CLTA: variants seen among roughly 807,000 people sequenced by gnomAD.
CLTA encodes clathrin, light polypeptide (Lca).
Under a neutral mutation model 26.9 loss-of-function variants are expected in CLTA, and 9 were observed. The ratio of observed to expected loss-of-function variants is 0.33; its 90% CI spans 0.20 to 0.58. The LOEUF (loss-of-function observed/expected upper bound fraction) is 0.58. Ranked by LOEUF, CLTA falls within the 20% of genes least tolerant of loss-of-function variation. The probability of loss-of-function intolerance (pLI) is 0.85; values close to 1 mark genes in which losing one functional copy is unlikely to be tolerated. For missense variants in CLTA, 278 were observed against 294.2 expected (o/e 0.94, Z 0.40); for synonymous variants, 120 against 115.5 (o/e 1.04, Z -0.25).
intron 3 of CLTA, among the ~76,000 whole-genome samples, chr9:36,202,329 G>A (rs1294751142): frequency 6.6e-6 from 1 of 152,002 alleles, no homozygotes; most frequent in East Asian, 1.9e-4. Context: ...GACCTTTCTT[G>A]CAAAGGCCCT....
chr9:36,195,195 A>C (rs1826950351), intron 1 of CLTA, among the ~76,000 whole-genome samples: 1 of 152,236 alleles, frequency 6.6e-6, no homozygotes, highest in Admixed American at 6.5e-5. Context: ...TAAAAAGTAA[A>C]AGAAGAAAAG....
intron 4 of CLTA, among the ~76,000 whole-genome samples, chr9:36,209,825 C>T (rs907849196): frequency 2.0e-5 from 3 of 152,164 alleles, no homozygotes; most frequent in Non-Finnish European, 2.9e-5. Context: ...AATGTGGGGT[C>T]GTTTGCCTCT....
At chr9:36,194,131 T>G (rs1381298091) in intron 1 of CLTA, among the ~76,000 whole-genome samples, 1 of 152,202 alleles carries the variant, frequency 6.6e-6, no homozygotes, top group Non-Finnish European at 1.5e-5. Context: ...GTTCAAGCAG[T>G]TATCCTGCCT....
chr9:36,198,687 C>T (rs543723328), intron 2 of CLTA, among the ~76,000 whole-genome samples: 3 of 148,152 alleles, frequency 2.0e-5, no homozygotes, highest in South Asian at 4.4e-4. Context: ...TCCCGTCCCC[C>T]CTTCCCCCAC....
At chr9:36,207,009 A>G (rs1486878520) in intron 4 of CLTA, among the ~76,000 whole-genome samples, 1 of 152,208 alleles carries the variant, frequency 6.6e-6, no homozygotes, top group African/African-American at 2.4e-5. Flanking sequence ...AGGCAGAAAG[A>G]TGAGAAGTTT....
chr9:36,203,869 A>C (rs1379839369), intron 3 of CLTA, 199 bp from the exon 4 acceptor site: 1 of 228,438 alleles, frequency 4.4e-6, no homozygotes, highest in African/African-American at 2.3e-5. Context: ...CCAGGCAGGA[A>C]TAGAAGCACT....
intron 1 of CLTA, among the ~76,000 whole-genome samples, chr9:36,195,781 A>C (rs1826987950): frequency 6.6e-6 from 1 of 152,220 alleles, no homozygotes. Context: ...AGCCTGACCA[A>C]CATAGTGAAA....
intron 4 of CLTA, among the ~76,000 whole-genome samples, chr9:36,207,988 T>C (rs1827816689): frequency 1.3e-5 from 2 of 152,204 alleles, no homozygotes; most frequent in Admixed American, 6.5e-5. Flanking sequence ...TTTGCTTTCT[T>C]TAAATTTCCA....
intron 4 of CLTA, chr9:36,209,081 C>T: frequency 1.0e-5 from 2 of 193,692 alleles, no homozygotes; most frequent in Non-Finnish European, 1.9e-5. Context: ...GTGGGAAGGC[C>T]AGCGGGAAAC....
At chr9:36,196,019 T>TA (rs896061222) in intron 1 of CLTA, among the ~76,000 whole-genome samples, 1 of 151,026 alleles carries the variant, frequency 6.6e-6, no homozygotes, top group African/African-American at 2.4e-5. Flanking sequence ...CTCATGCCTG[T>TA]AATCCCAGCA....
chr9:36,209,350 C>T lies in CLTA; in HGVS notation c.486-2253C>T, dbSNP rs755526306. The T allele has an allele frequency of 1.4e-5, 21 of 1,479,896 alleles. No individual in the cohort carries two copies. In the South Asian group the frequency reaches 1.9e-4, roughly 14 times the overall value. 91.7% of individuals were successfully genotyped at this position (1,479,896 alleles called of 1,614,324 possible). A position where few individuals can be genotyped will look rare whatever the true frequency, so the allele number is the denominator to read the frequency against. On this transcript the variant is annotated intron_variant, in intron 4 of 4. Coordinates refer to ENST00000345519, the MANE Select transcript of CLTA (RefSeq NM_001833.4). ...GTTGCAAAACTAATTCCTTTTTCTA[C>T]ATCTGATTCTTTCTACTTTTGTTTA...
chr9:36,191,807 T>C (rs1826740942), intron 1 of CLTA, among the ~76,000 whole-genome samples: 1 of 152,170 alleles, frequency 6.6e-6, no homozygotes, highest in Admixed American at 6.5e-5. Flanking sequence ...AGTAGGGAAC[T>C]CGAAAGATGA....
At chr9:36,194,358 C>T (rs906907704) in intron 1 of CLTA, among the ~76,000 whole-genome samples, 1 of 152,148 alleles carries the variant, frequency 6.6e-6, no homozygotes, top group Non-Finnish European at 1.5e-5. Context: ...AAGAAAGAGA[C>T]ATGGGTGAAT....
rs754258679 is a variant in CLTA, at chr9:36,191,051, C to G, written c.-6C>G. The stretch of plus-strand genomic sequence containing the variant: ...CGTTGGTGTCCGTGCCGTTCAGTTG[C>G]CCGCCATGGCTGAGCTGGATCCGTT... On this transcript the variant is annotated 5_prime_UTR_variant, in exon 1 of 5. Coordinates refer to ENST00000345519, the MANE Select transcript of CLTA (RefSeq NM_001833.4). 1 of 1,532,606 alleles carries G rather than the reference C, an allele frequency of 6.5e-7. No homozygotes were observed. 94.9% of individuals were successfully genotyped at this position (1,532,606 alleles called of 1,614,324 possible). A position where few individuals can be genotyped will look rare whatever the true frequency, so the allele number is the denominator to read the frequency against.
At chr9:36,197,464 G>A (rs1221380470) in intron 1 of CLTA, 87 bp from the exon 2 acceptor site, 1 of 868,272 alleles carries the variant, frequency 1.2e-6, no homozygotes, top group Non-Finnish European at 1.9e-6. Flanking sequence ...GGTTCATACA[G>A]CATATGATGC....
intron 2 of CLTA, among the ~76,000 whole-genome samples, chr9:36,197,854 C>T (rs1302465270): frequency 1.3e-5 from 2 of 152,158 alleles, no homozygotes; most frequent in African/African-American, 4.8e-5. Context: ...GTGTTGAGTG[C>T]AGTAAGTTAA....
Position 36,191,013 on chromosome 9 carries a change from G to GT in CLTA, c.-39dup. On this transcript the variant is annotated 5_prime_UTR_variant, in exon 1 of 5. Transcript: ENST00000345519. ...GGGCGTGGTGTCGGTGGGTCGGTTG[G>GT]TTTTTGTCTCACCGTTGGTGTCCGT... 6.7e-7 allele frequency: 1 copy of GT among 1,484,080 alleles called. No homozygotes were observed. 91.9% of individuals were successfully genotyped at this position (1,484,080 alleles called of 1,614,324 possible).
At chr9:36,192,144 A>G (rs989095018) in intron 1 of CLTA, among the ~76,000 whole-genome samples, 1 of 152,238 alleles carries the variant, frequency 6.6e-6, no homozygotes, top group African/African-American at 2.4e-5. Context: ...GCTAGAAGAA[A>G]TGAAATACGG....
At chr9:36,192,981 G>T (rs1163510959) in intron 1 of CLTA, among the ~76,000 whole-genome samples, 1 of 152,212 alleles carries the variant, frequency 6.6e-6, no homozygotes, top group Admixed American at 6.5e-5. Context: ...TGTAGTAGAT[G>T]CTCACGTTTG....
Sources: gnomAD v4.1 joint callset for allele counts (sites outside exome capture counted in the v4.1 genomes callset) on GRCh38, gnomAD v4.1.1 for gene constraint, MANE v1.5 for transcripts, NCBI Gene and HGNC (gene_info 2026-07-23, HGNC 2026-07-21) for gene names.